Variants in PHF14 observed in about 807,000 individuals in gnomAD.
PHF14 encodes PHD finger protein 14.
Under a neutral mutation model 117.9 loss-of-function variants are expected in PHF14, and 55 were observed. The ratio of observed to expected loss-of-function variants is 0.47; its 90% CI spans 0.38 to 0.58. The LOEUF (loss-of-function observed/expected upper bound fraction) is 0.58. Ranked by LOEUF, PHF14 falls within the 20% of genes least tolerant of loss-of-function variation. The pLI is 0.00. For synonymous variants in PHF14, 409 were observed against 368.6 expected (o/e 1.11, Z -1.26); for missense variants, 978 against 1,122.2 (o/e 0.87, Z 1.84).
chr7:11,040,016 G>T (rs1784447846), intron 11 of PHF14, among the ~76,000 whole-genome samples: 2 of 152,098 alleles, frequency 1.3e-5, no homozygotes, highest in African/African-American at 4.8e-5. Flanking sequence ...TACCATAAAA[G>T]ACATTTTCAT....
intron 14 of PHF14, among the ~76,000 whole-genome samples, chr7:11,058,417 T>C (rs1785094592): frequency 6.6e-6 from 1 of 152,316 alleles, no homozygotes; most frequent in Admixed American, 6.5e-5. Flanking sequence ...AAAAATCCCA[T>C]AGCTTTCAAC....
At chr7:11,027,249 T>C (rs1373673759) in intron 6 of PHF14, among the ~76,000 whole-genome samples, 1 of 152,184 alleles carries the variant, frequency 6.6e-6, no homozygotes, top group Admixed American at 6.5e-5. Context: ...AATCTCATGT[T>C]TAGATTGCTA....
intron 7 of PHF14, among the ~76,000 whole-genome samples, chr7:11,029,939 A>G (rs1325924742): frequency 6.6e-6 from 1 of 152,080 alleles, no homozygotes; most frequent in African/African-American, 2.4e-5. Flanking sequence ...AAAGTGAGCA[A>G]AGATACTCTG....
intron 3 of PHF14, among the ~76,000 whole-genome samples, chr7:10,987,121 T>G (rs1436493515): frequency 6.6e-6 from 1 of 152,204 alleles, no homozygotes; most frequent in Admixed American, 6.5e-5. Context: ...GACTTCTAAC[T>G]TATTAATCAG....
At chr7:11,030,840 T>TATATATA (rs1784097342) in intron 7 of PHF14, among the ~76,000 whole-genome samples, 2 of 152,324 alleles carry the variant, frequency 1.3e-5, no homozygotes, top group Admixed American at 1.3e-4. Flanking sequence ...TTTACATATA[T>TATATATA]ATGTTACTGG....
intron 5 of PHF14, among the ~76,000 whole-genome samples, chr7:11,014,606 A>C (rs963952350): frequency 6.6e-6 from 1 of 152,158 alleles, no homozygotes; most frequent in Non-Finnish European, 1.5e-5. Flanking sequence ...GGCAGAGCAC[A>C]GGAGGAAGTA....
intron 16 of PHF14, among the ~76,000 whole-genome samples, chr7:11,089,960 G>A (rs997659467): frequency 2.4e-4 from 37 of 152,138 alleles, no homozygotes; most frequent in African/African-American, 8.4e-4. Flanking sequence ...TAGTAAAGAC[G>A]GGGTTTCTCC....
At chr7:11,141,850 G>C (rs1788408307) in intron 17 of PHF14, among the ~76,000 whole-genome samples, 1 of 150,846 alleles carries the variant, frequency 6.6e-6, no homozygotes, top group African/African-American at 2.4e-5. Flanking sequence ...ATTCCTACTT[G>C]ATACTGCCTT....
chr7:10,990,437 T>A (rs1439750644), intron 3 of PHF14, among the ~76,000 whole-genome samples: 2 of 152,186 alleles, frequency 1.3e-5, no homozygotes, highest in Non-Finnish European at 2.9e-5. Context: ...GCATGCGTGC[T>A]TTTTCATATC....
rs1173186949 is a variant in PHF14 at position 10,974,134 on chromosome 7, C to T, written c.-190C>T. 1 of 597,268 alleles carries T rather than the reference C, an allele frequency of 1.7e-6. No individual in the cohort carries two copies. The highest frequency in any genetic ancestry group is 2.9e-5 in the East Asian group (1 of 34,998). 37.0% of individuals were successfully genotyped at this position (597,268 alleles called of 1,614,324 possible). ...CTCGAGCGGCCAGGGCCAGGCGAGG[C>T]CGGGGGGGCGGGGGGTTAGGGGACC... On this transcript the variant is annotated 5_prime_UTR_variant, in exon 1 of 18. Transcript: ENST00000634607.
chr7:11,030,694 T>C (rs1011046235), intron 7 of PHF14, among the ~76,000 whole-genome samples: 5 of 152,320 alleles, frequency 3.3e-5, no homozygotes, highest in Middle Eastern at 3.4e-3. Flanking sequence ...CCCTGAGGCA[T>C]CTTCCTTGCC....
intron 16 of PHF14, among the ~76,000 whole-genome samples, chr7:11,067,247 C>G (rs890755155): frequency 6.6e-6 from 1 of 152,052 alleles, no homozygotes; most frequent in Non-Finnish European, 1.5e-5. Context: ...TAAATCGAAA[C>G]CACAGTGAGA....
chr7:10,974,129 C>T lies in PHF14; in HGVS notation c.-195C>T, dbSNP rs1411963513. ...AGGGGCTCGAGCGGCCAGGGCCAGG[C>T]GAGGCCGGGGGGGCGGGGGGTTAGG... On this transcript the variant is annotated 5_prime_UTR_variant, in exon 1 of 18. Transcript: ENST00000634607. 1.7e-6 allele frequency: 1 copy of T among 583,846 alleles called. No homozygotes were observed. The highest frequency in any genetic ancestry group is 3.1e-6 in the Non-Finnish European group (1 of 325,942). The allele number at this position is 583,846 out of a possible 1,614,324, so 36.2% of individuals were successfully genotyped here.
chr7:10,974,326 TA>T lies in PHF14; in HGVS notation c.1+4del. 1 of 1,591,430 alleles carries T rather than the reference TA, an allele frequency of 6.3e-7. No homozygotes were observed. The highest frequency in any genetic ancestry group is 1.7e-5 in the Admixed American group (1 of 57,648). On this transcript the variant is annotated splice_donor_region_variant and intron_variant, in intron 1 of 17. Coordinates refer to ENST00000634607, the MANE Select transcript of PHF14 (RefSeq NM_001007157.2). ...AACGACCACCTCACGGATTCCTTAG[TA>T]AGTGTATCCGAGGCCTCTGCGGCGA...
chr7:11,052,031 C>T (rs1360428808), intron 14 of PHF14, among the ~76,000 whole-genome samples: 1 of 152,158 alleles, frequency 6.6e-6, no homozygotes, highest in Non-Finnish European at 1.5e-5. Flanking sequence ...GAAAGACAGA[C>T]CATTCCCAAA....
intron 16 of PHF14, chr7:11,105,592 C>T: frequency 2.0e-6 from 2 of 984,422 alleles, no homozygotes; most frequent in Non-Finnish European, 2.4e-6. Context: ...AGTTTCCTGA[C>T]ATACGAAGGC....
chr7:11,002,834 C>T (rs776816113), intron 4 of PHF14, among the ~76,000 whole-genome samples: 16 of 152,166 alleles, frequency 1.1e-4, no homozygotes, highest in African/African-American at 2.9e-4. Flanking sequence ...CAAAAATTAA[C>T]GGTGTGAGCA....
chr7:10,995,319 C>T (rs1452237829), intron 4 of PHF14, among the ~76,000 whole-genome samples: 1 of 151,228 alleles, frequency 6.6e-6, no homozygotes, highest in Admixed American at 6.6e-5. Flanking sequence ...TAGCTAGATA[C>T]AGAGTGCTGA....
At chr7:10,975,074 C>G in intron 2 of PHF14, 129 bp downstream of exon 2, 1 of 656,084 alleles carries the variant, frequency 1.5e-6, no homozygotes, top group Non-Finnish European at 2.7e-6. Flanking sequence ...TTATTTTGTC[C>G]ATTTGATTTC....
Sources: gnomAD v4.1 joint callset for allele counts (sites outside exome capture counted in the v4.1 genomes callset) on GRCh38, gnomAD v4.1.1 for gene constraint, MANE v1.5 for transcripts, NCBI Gene and HGNC (gene_info 2026-07-23, HGNC 2026-07-21) for gene names.